BCL6: variants seen among roughly 807,000 people sequenced by gnomAD.
BCL6 encodes BCL6 transcription repressor, also known as B-cell lymphoma 6 protein.
BCL6 carries 7 observed loss-of-function variants against 59.5 expected under a neutral mutation model. That is an observed-to-expected ratio of 0.12 (90% confidence interval 0.07 to 0.22). The LOEUF (loss-of-function observed/expected upper bound fraction) is 0.22, where lower values mean the gene tolerates loss of function less well. BCL6 is among the 10% of genes least tolerant of loss of function. The probability of loss-of-function intolerance (pLI) is 1.00; values close to 1 mark genes in which losing one functional copy is unlikely to be tolerated. For missense variants in BCL6, 685 were observed against 939.4 expected (o/e 0.73, Z 3.54); for synonymous variants, 339 against 349.7 (o/e 0.97, Z 0.34).
chr3:187,743,988 A>C (rs1711739768), intron 1 of BCL6, among the ~76,000 whole-genome samples: 2 of 152,114 alleles, frequency 1.3e-5, no homozygotes, highest in Admixed American at 6.5e-5. Context: ...TCTCCTCCTG[A>C]GTCTTGCACA....
intron 7 of BCL6, among the ~76,000 whole-genome samples, chr3:187,726,170 T>A (rs1718683346): frequency 6.6e-6 from 1 of 152,186 alleles, no homozygotes; most frequent in African/African-American, 2.4e-5. Flanking sequence ...TTGTGGCAAC[T>A]ACAGCTGGAT....
In BCL6 at chr3:187,722,429, TG is replaced by T; in HGVS notation, c.*28del. 8 of 1,596,154 alleles carry T rather than the reference TG, an allele frequency of 5.0e-6. No individual in the cohort carries two copies. The highest frequency in any genetic ancestry group is 6.8e-6 in the Non-Finnish European group (8 of 1,170,772). On this transcript the variant is annotated 3_prime_UTR_variant, in exon 10 of 10. Coordinates refer to ENST00000406870, the MANE Select transcript of BCL6 (RefSeq NM_001706.5). ...CTTTGGGTAGATTCTGAGAAGGGGC[TG>T]GAGACGAAAGCATCAACACTCCATG...
Position 187,728,347 on chromosome 3 carries a change from G to A in BCL6, c.1540+13C>T. On this transcript the variant is annotated intron_variant, in intron 6 of 9. Transcript: ENST00000406870. Reference sequence around the variant, plus strand: ...CTTCTCCCTGACAAGAGGAGGGAGGGAAAAGGACTCACCACAGCTAGAATC... The same window carrying A: ...CTTCTCCCTGACAAGAGGAGGGAGGAAAAAGGACTCACCACAGCTAGAATC... 1 of 1,570,030 alleles carries A rather than the reference G, an allele frequency of 6.4e-7. No individual in the cohort carries two copies. The highest frequency in any genetic ancestry group is 8.7e-7 in the Non-Finnish European group (1 of 1,155,926).
In BCL6 at chr3:187,745,446, C is replaced by G. The variant is rs928021220; in HGVS notation, c.-86G>C. 7.5e-6 allele frequency: 3 copies of G among 399,554 alleles called. No homozygotes were observed. Among genetic ancestry groups the G allele is most frequent in the Non-Finnish European group, 1.3e-5 (3 of 226,384 alleles). The allele number at this position is 399,554 out of a possible 1,614,324, so 24.8% of individuals were successfully genotyped here. ...CCTTTCCTAGAAACTTCTTGCATCA[C>G]CACTTCTAAGAACCCCAGTTCTAAG... On this transcript the variant is annotated 5_prime_UTR_variant, in exon 1 of 10. Transcript: ENST00000406870.
chr3:187,744,709 C>G, intron 1 of BCL6, among the ~76,000 whole-genome samples: 1 of 152,228 alleles, frequency 6.6e-6, no homozygotes, highest in East Asian at 1.9e-4. Flanking sequence ...AGCGGGCAGC[C>G]TCCCTTTTTG....
chr3:187,733,761 C>A (rs1403070433), intron 2 of BCL6, 58 bp from the exon 3 acceptor site: 2 of 1,586,918 alleles, frequency 1.3e-6, no homozygotes, highest in Non-Finnish European at 1.7e-6. Flanking sequence ...CTGCTTGCCA[C>A]AGGTATCAGA....
At chr3:187,724,889 C>A in intron 9 of BCL6, 52 bp downstream of exon 9, 1 of 1,610,294 alleles carries the variant, frequency 6.2e-7, no homozygotes, top group Non-Finnish European at 8.5e-7. Flanking sequence ...ACCTCCTTCC[C>A]TGCCCTCCAC....
In BCL6 at chr3:187,735,837, T is replaced by TA. The variant is rs1345626135; in HGVS notation, c.-49-931dup. On this transcript the variant is annotated intron_variant, in intron 1 of 9. Coordinates refer to ENST00000406870, the MANE Select transcript of BCL6 (RefSeq NM_001706.5). ...AATATTTGAACTGTCTTCCCCCCTT[T>TA]AAAAAAAAAAAAGCAGAACCTTTTA... Among the ~76,000 whole-genome samples, 810 of 144,256 alleles carry TA rather than the reference T, an allele frequency of 5.6e-3. 11 individuals carry two copies. The highest frequency in any genetic ancestry group is 0.015 in the African/African-American group (571 of 39,226). The allele number at this position is 144,256 out of a possible 152,430, so 94.6% of individuals were successfully genotyped here. A position where few individuals can be genotyped will look rare whatever the true frequency, so the allele number is the denominator to read the frequency against.
At chr3:187,744,423 A>T (rs1711777648) in intron 1 of BCL6, among the ~76,000 whole-genome samples, 2 of 152,134 alleles carry the variant, frequency 1.3e-5, no homozygotes, top group Admixed American at 6.5e-5. Flanking sequence ...ACAACCAAGA[A>T]AGAATAATTT....
chr3:187,722,789 C>T (rs946658557), intron 9 of BCL6, among the ~76,000 whole-genome samples, 188 bp from the exon 10 acceptor site: 15 of 152,198 alleles, frequency 9.9e-5, no homozygotes, highest in African/African-American at 2.9e-4. Flanking sequence ...TGCAAATGTC[C>T]GTTCCCTGCT....
intron 5 of BCL6, 144 bp downstream of exon 5, chr3:187,728,906 C>T: frequency 8.5e-7 from 1 of 1,173,040 alleles, no homozygotes; most frequent in Non-Finnish European, 1.1e-6. Flanking sequence ...GTGTAAAATA[C>T]TTCCTTACTC....
chr3:187,721,972 ATT>A lies in BCL6; in HGVS notation c.*484_*485del. The A allele has an allele frequency of 5.4e-6, 1 of 184,078 alleles. No homozygotes were observed. The highest frequency in any genetic ancestry group is 9.3e-5 in the East Asian group (1 of 10,776). The allele number at this position is 184,078 out of a possible 1,614,324, so 11.4% of individuals were successfully genotyped here. A position where few individuals can be genotyped will look rare whatever the true frequency, so the allele number is the denominator to read the frequency against. On this transcript the variant is annotated 3_prime_UTR_variant, in exon 10 of 10. Transcript: ENST00000406870. The surrounding 1 kb of genome is among the most constrained non-coding windows in gnomAD (Gnocchi z 4.2). ...ATATATTTATTTTATATATATATAT[ATT>A]TATATATTTACAACTCTGCCATATA...
At chr3:187,744,176 A>G (rs1220549757) in intron 1 of BCL6, among the ~76,000 whole-genome samples, 2 of 152,196 alleles carry the variant, frequency 1.3e-5, no homozygotes, top group African/African-American at 2.4e-5. Flanking sequence ...TTGGGAGCCA[A>G]CACAGAGTCA....
chr3:187,734,034 TTTTTTG>T (rs1173880158), intron 2 of BCL6, among the ~76,000 whole-genome samples: 1 of 152,032 alleles, frequency 6.6e-6, no homozygotes, highest in African/African-American at 2.4e-5. Context: ...AGACACCGTG[TTTTTTG>T]TTTTTGTTTT....
At position 187,723,622 on chromosome 3, in the gene BCL6, T is replaced by C. The variant is rs183727864; in HGVS notation, c.1978-1021A>G. On this transcript the variant is annotated intron_variant, in intron 9 of 9. Transcript: ENST00000406870. ...ATAAAATATGTTCAGATAGAGTATA[T>C]GTTTTCAAGTGAAAATGGAAATAGA... is the stretch of plus-strand genomic sequence containing the variant. Among the ~76,000 whole-genome samples, 118 of 152,300 alleles carry C rather than the reference T, an allele frequency of 7.7e-4. 1 individual carries two copies. The highest frequency in any genetic ancestry group is 2.8e-3 in the African/African-American group (116 of 41,566).
At chr3:187,743,175 C>CT (rs1282214591) in intron 1 of BCL6, among the ~76,000 whole-genome samples, 2 of 151,980 alleles carry the variant, frequency 1.3e-5, no homozygotes, top group Admixed American at 6.6e-5. Context: ...TCCTGCCCCA[C>CT]TTTTTTTAAA....
In BCL6 at chr3:187,728,391, C is replaced by T. The variant is rs760627105; in HGVS notation, c.1509G>A (p.Glu503=). 1.2e-6 allele frequency: 2 copies of T among 1,605,414 alleles called. No individual in the cohort carries two copies. The highest frequency in any genetic ancestry group is 1.7e-6 in the Non-Finnish European group (2 of 1,175,844). The change falls in exon 6 of 10, where the codon GAG becomes GAA. Residue 503 remains glutamate, a synonymous_variant. Transcript: ENST00000406870. ...AGPTFPEEMG[E]TQSEYSDSSC... is the part of the protein sequence containing the mutation. ...TAGAATCTGAGTACTCAGACTGGGT[C>T]TCTCCCATCTCCTCAGGGAACGTGG...
intron 1 of BCL6, 65 bp downstream of exon 1, chr3:187,745,336 GCAGCGGCAC>G (rs1452463598): frequency 1.7e-5 from 7 of 401,480 alleles, no homozygotes; most frequent in African/African-American, 4.1e-5. Context: ...AGCGGCGGCG[GCAGCGGCAC>G]CAGCGGCAAC....
At chr3:187,743,394 C>T (rs1451107373) in intron 1 of BCL6, among the ~76,000 whole-genome samples, 1 of 151,936 alleles carries the variant, frequency 6.6e-6, no homozygotes, top group Non-Finnish European at 1.5e-5. Flanking sequence ...GGTCAGGGGC[C>T]CTGTGACAGC....
Sources: gnomAD v4.1 joint callset for allele counts (sites outside exome capture counted in the v4.1 genomes callset) on GRCh38, gnomAD v4.1.1 for gene constraint, Gnocchi (gnomAD v3.1) non-coding constraint, MANE v1.5 for transcripts, NCBI Gene and HGNC (gene_info 2026-07-23, HGNC 2026-07-21) for gene names.